The following SLC28A1 variants were observed in gnomAD, a reference collection of about 807,000 sequenced individuals.
SLC28A1 encodes the protein sodium/nucleoside cotransporter 1.
SLC28A1 carries 64 observed loss-of-function variants against 74.8 expected under a neutral mutation model. The observed-to-expected ratio is 0.86, with a 90% CI of 0.70 to 1.05. The LOEUF is 1.05. Ranked by LOEUF, SLC28A1 falls within the 50% of genes least tolerant of loss-of-function variation. SLC28A1 has a pLI of 0.00. For synonymous variants in SLC28A1, 359 were observed against 335.0 expected (o/e 1.07, Z -0.78); for missense variants, 828 against 822.8 (o/e 1.01, Z -0.08).
chr15:84,891,167 G>A (rs188364123), intron 5 of SLC28A1, among the ~76,000 whole-genome samples: 15 of 152,294 alleles, frequency 9.8e-5, no homozygotes, highest in African/African-American at 1.7e-4. Flanking sequence ...GAATTCACAC[G>A]GTGGGACCCT....
chr15:84,963,890 T>C, the SLC28A1 span, among the ~76,000 whole-genome samples: 1 of 152,200 alleles, frequency 6.6e-6, no homozygotes, highest in Non-Finnish European at 1.5e-5. Context: ...CCAGCCTCAC[T>C]GAGCTGCTTT....
At chr15:84,903,448 A>G (rs1966844472) in intron 6 of SLC28A1, among the ~76,000 whole-genome samples, 1 of 152,252 alleles carries the variant, frequency 6.6e-6, no homozygotes, top group Admixed American at 6.5e-5. Context: ...AACTGTCATT[A>G]GTAGTACCCA....
At chr15:84,930,285 G>A (rs1204314412) in intron 12 of SLC28A1, among the ~76,000 whole-genome samples, 1 of 152,220 alleles carries the variant, frequency 6.6e-6, no homozygotes, top group Non-Finnish European at 1.5e-5. Flanking sequence ...CAACTGAGGA[G>A]GAAGCAGGGG....
intron 13 of SLC28A1, 50 bp from the exon 14 acceptor site, chr15:84,934,976 G>T: frequency 6.5e-7 from 1 of 1,532,482 alleles, no homozygotes; most frequent in Non-Finnish European, 9.0e-7. Flanking sequence ...AGGGACCCTT[G>T]CTGGTTGTGG....
chr15:84,933,998 G>A (rs1971603260), intron 13 of SLC28A1, among the ~76,000 whole-genome samples: 1 of 152,016 alleles, frequency 6.6e-6, no homozygotes, highest in Non-Finnish European at 1.5e-5. Flanking sequence ...AAAGCCACCA[G>A]TCCTACTCCC....
chr15:84,942,199 T>C (rs1972796583), intron 15 of SLC28A1, among the ~76,000 whole-genome samples: 1 of 152,194 alleles, frequency 6.6e-6, no homozygotes, highest in Non-Finnish European at 1.5e-5. Flanking sequence ...ATGAGATGCT[T>C]TGATACTGGC....
At chr15:84,906,607 T>C (rs1398335708) in intron 8 of SLC28A1, among the ~76,000 whole-genome samples, 2 of 146,588 alleles carry the variant, frequency 1.4e-5, no homozygotes, top group African/African-American at 5.1e-5. Flanking sequence ...CCTTCCTTCC[T>C]TCCTTCCTTC....
chr15:84,938,385 C>T (rs997091195), intron 15 of SLC28A1: 1 of 151,892 alleles, frequency 6.6e-6, no homozygotes, highest in Non-Finnish European at 1.5e-5. Context: ...TTATGGGGTA[C>T]ATGAGGTGTT....
At chr15:84,903,856 G>T (rs879890877) in intron 6 of SLC28A1, among the ~76,000 whole-genome samples, 3 of 152,100 alleles carry the variant, frequency 2.0e-5, no homozygotes, top group Admixed American at 6.5e-5. Flanking sequence ...GGGGTCTCTG[G>T]CTTCATTTGA....
In SLC28A1 at chr15:84,887,920, G is replaced by A. The variant is rs768395201; in HGVS notation, c.96+64G>A. Reference sequence around the variant, plus strand: ...CCTCTTTGGCTTGAGCCCGGCTGCCGAGGTGATGAGGCTTTTGCTCACCAC... The same window carrying A: ...CCTCTTTGGCTTGAGCCCGGCTGCCAAGGTGATGAGGCTTTTGCTCACCAC... On this transcript the variant is annotated intron_variant, in intron 3 of 18. Coordinates refer to ENST00000394573, the MANE Select transcript of SLC28A1 (RefSeq NM_004213.5). 4.0e-5 allele frequency: 47 copies of A among 1,168,618 alleles called. 1 individual carries two copies. The Admixed American group carries it at 6.8e-4, about 17-fold the overall frequency. 72.4% of individuals were successfully genotyped at this position (1,168,618 alleles called of 1,614,324 possible).
At chr15:84,906,557 T>TCTTGC (rs1491349503) in intron 8 of SLC28A1, among the ~76,000 whole-genome samples, 78 of 88,116 alleles carry the variant, frequency 8.9e-4, no homozygotes, top group African/African-American at 3.7e-3. Flanking sequence ...TCTTTCTTTC[T>TCTTGC]TTCTTTCTCT....
At chr15:84,890,111 T>G (rs1238232879) in intron 4 of SLC28A1, among the ~76,000 whole-genome samples, 4 of 132,592 alleles carry the variant, frequency 3.0e-5, no homozygotes, top group South Asian at 2.9e-4. Flanking sequence ...CTGGGATTAC[T>G]GGTGTGAGCC....
chr15:84,950,881 A>C, the SLC28A1 span, among the ~76,000 whole-genome samples: 1 of 152,080 alleles, frequency 6.6e-6, no homozygotes, highest in African/African-American at 2.4e-5. Context: ...TTCGTGGGCC[A>C]TATTGCCGTG....
chr15:84,918,217 A>T (rs1969373268), intron 9 of SLC28A1, among the ~76,000 whole-genome samples: 1 of 152,128 alleles, frequency 6.6e-6, no homozygotes, highest in Non-Finnish European at 1.5e-5. Flanking sequence ...AGCAGGAGAT[A>T]AAAGTGGTAC....
chr15:84,973,029 C>T, the SLC28A1 span, among the ~76,000 whole-genome samples: 1 of 152,098 alleles, frequency 6.6e-6, no homozygotes, highest in Non-Finnish European at 1.5e-5. Flanking sequence ...AGGCTAAGGA[C>T]CAAAGTCCTT....
chr15:84,940,807 G>A (rs554471262), intron 15 of SLC28A1: 6 of 200,346 alleles, frequency 3.0e-5, no homozygotes, highest in South Asian at 2.1e-4. Context: ...ATTTTTGGGT[G>A]ATGCTTGGAA....
chr15:84,931,362 G>A (rs1338698311), intron 12 of SLC28A1, among the ~76,000 whole-genome samples: 1 of 151,694 alleles, frequency 6.6e-6, no homozygotes, highest in Non-Finnish European at 1.5e-5. Context: ...TATTGTTGTG[G>A]ACATTTTGAG....
chr15:84,918,323 C>G (rs1229909040), intron 9 of SLC28A1, among the ~76,000 whole-genome samples: 1 of 152,238 alleles, frequency 6.6e-6, no homozygotes, highest in Non-Finnish European at 1.5e-5. Context: ...GCCGAGAGGA[C>G]AAGGCTGCCT....
intron 5 of SLC28A1, among the ~76,000 whole-genome samples, chr15:84,894,643 A>G (rs922276179): frequency 6.6e-6 from 1 of 152,200 alleles, no homozygotes; most frequent in Non-Finnish European, 1.5e-5. Context: ...ACTGATGCCC[A>G]GCGCCTCTTG....
Sources: allele counts gnomAD v4.1 joint callset (sites outside exome capture counted in the v4.1 genomes callset), GRCh38; gene constraint gnomAD v4.1.1; transcripts MANE v1.5; gene names NCBI Gene and HGNC (gene_info 2026-07-23, HGNC 2026-07-21).